LRSAM1: variants seen among roughly 807,000 people sequenced by gnomAD.
LRSAM1 encodes the protein E3 ubiquitin-protein ligase LRSAM1.
Under a neutral mutation model 118.1 loss-of-function variants are expected in LRSAM1, and 96 were observed. That is an observed-to-expected ratio of 0.81 (90% CI 0.69 to 0.96). The LOEUF is 0.96. Ranked by LOEUF, LRSAM1 falls within the 40% of genes least tolerant of loss-of-function variation. The pLI, the probability that LRSAM1 is intolerant of heterozygous loss-of-function variation, is 0.00. For synonymous variants in LRSAM1, 322 were observed against 364.2 expected, an observed-to-expected ratio of 0.88 and a Z score of 1.32; for missense variants, 804 against 915.5, an observed-to-expected ratio of 0.88 and a Z score of 1.57.
At chr9:127,484,742 G>T (rs1588125690) in intron 16 of LRSAM1, among the ~76,000 whole-genome samples, 1 of 151,172 alleles carries the variant, frequency 6.6e-6, no homozygotes, top group Non-Finnish European at 1.5e-5. Context: ...TGCTACAAAT[G>T]TGTGTGTACA....
At chr9:127,475,080 T>C (rs1835305683) in intron 11 of LRSAM1, among the ~76,000 whole-genome samples, 1 of 141,146 alleles carries the variant, frequency 7.1e-6, no homozygotes, top group African/African-American at 2.6e-5. Flanking sequence ...TATTTTATAG[T>C]TCAGCAAGAA....
intron 17 of LRSAM1, 52 bp from the exon 18 acceptor site, chr9:127,487,624 A>C: frequency 6.5e-7 from 1 of 1,543,112 alleles, no homozygotes; most frequent in Middle Eastern, 1.7e-4. Flanking sequence ...GGCACATAGT[A>C]GGTGCTCGGG....
At position 127,455,070 on chromosome 9, in the gene LRSAM1, T is replaced by C. The variant is rs1421898289; in HGVS notation, c.129+16T>C. The C allele has an allele frequency of 6.2e-7, 1 of 1,613,286 alleles. No individual in the cohort carries two copies. The highest frequency in any genetic ancestry group is 8.5e-7 in the Non-Finnish European group (1 of 1,179,230). On this transcript the variant is annotated intron_variant, in intron 4 of 25. Transcript: ENST00000300417. ...GCTCTCAGAGGTAAACTGAGGATAG[T>C]GTTGGGCTGTGAATTGGATCTGTCC...
intron 11 of LRSAM1, among the ~76,000 whole-genome samples, chr9:127,475,634 C>T (rs1258621051): frequency 1.3e-5 from 2 of 152,154 alleles, no homozygotes; most frequent in Non-Finnish European, 2.9e-5. Context: ...TTTCTGTTGG[C>T]CAGAGTATGG....
chr9:127,482,602 T>C (rs1835581709), intron 15 of LRSAM1, among the ~76,000 whole-genome samples: 1 of 152,272 alleles, frequency 6.6e-6, no homozygotes, highest in Non-Finnish European at 1.5e-5. Context: ...GTTTTCTTAC[T>C]GTCAACCAAC....
At chr9:127,485,619 C>A in intron 16 of LRSAM1, 117 bp from the exon 17 acceptor site, 1 of 888,638 alleles carries the variant, frequency 1.1e-6, no homozygotes, top group South Asian at 1.3e-5. Flanking sequence ...AGGTAGGTAA[C>A]CAGGTGAGGC....
At chr9:127,468,800 C>T (rs575841254) in intron 10 of LRSAM1, among the ~76,000 whole-genome samples, 1 of 129,492 alleles carries the variant, frequency 7.7e-6, no homozygotes, top group South Asian at 2.6e-4. Flanking sequence ...ATGGTGAAAC[C>T]CTGTCTCTAC....
At chr9:127,453,000 G>A (rs2244468) in intron 2 of LRSAM1, among the ~76,000 whole-genome samples, 92,147 of 152,156 alleles carry the variant, frequency 0.61, 28,238 homozygotes, top group African/African-American at 0.63. Context: ...GGACTTGAGA[G>A]ACCACGGTTC....
intron 7 of LRSAM1, among the ~76,000 whole-genome samples, chr9:127,460,847 CTTTTTTTTTTTT>C (rs58140930): frequency 5.2e-5 from 4 of 77,416 alleles, no homozygotes; most frequent in East Asian, 8.1e-4. Flanking sequence ...CTGTTTCTTT[CTTTTTTTTTTTT>C]TTTTTTTTTT....
chr9:127,469,671 A>G (rs575832535), intron 10 of LRSAM1, among the ~76,000 whole-genome samples: 13 of 151,804 alleles, frequency 8.6e-5, no homozygotes, highest in Admixed American at 6.6e-4. Context: ...GAAATAAAAA[A>G]ACAAAAAATA....
chr9:127,479,294 G>A, intron 12 of LRSAM1, 89 bp from the exon 13 acceptor site: 1 of 1,590,576 alleles, frequency 6.3e-7, no homozygotes, highest in Non-Finnish European at 8.6e-7. Context: ...AGCCTGCCCT[G>A]TCAGTGTTGA....
chr9:127,477,646 A>G (rs2042768005), intron 11 of LRSAM1, among the ~76,000 whole-genome samples: 1 of 152,168 alleles, frequency 6.6e-6, no homozygotes, highest in Non-Finnish European at 1.5e-5. Flanking sequence ...GCAACTTAGG[A>G]GGCTGAGGTG....
rs776157689 is a variant in LRSAM1 at position 127,479,903 on chromosome 9, G to A, written c.968G>A (p.Arg323Gln). The change falls in exon 14 of 26, where the codon CGG becomes CAG. Residue 323 changes from arginine to glutamine, a missense_variant. Transcript: ENST00000300417. Reference protein sequence around the residue: ...HQRHLNAERQRLQEQLKQTEQ... With the variant: ...HQRHLNAERQQLQEQLKQTEQ... ...CGCCACCTCAACGCAGAGCGGCAGCGGCTGCAGGAGCAGCTGAAGCAGACG... is the reference window on the plus strand; with the variant it reads ...CGCCACCTCAACGCAGAGCGGCAGCAGCTGCAGGAGCAGCTGAAGCAGACG... The A allele has an allele frequency of 1.5e-5, 25 of 1,613,694 alleles. No homozygotes were observed. Among genetic ancestry groups the A allele is most frequent in the African/African-American group, 4.0e-5 (3 of 74,934 alleles).
At chr9:127,453,481 G>A (rs561076443) in intron 2 of LRSAM1, 1 of 152,300 alleles carries the variant, frequency 6.6e-6, no homozygotes, top group Non-Finnish European at 1.5e-5. Flanking sequence ...CACCGCAGAG[G>A]TCTCTTTGGT....
In LRSAM1 at chr9:127,461,209, C is replaced by T; in HGVS notation, c.358C>T (p.Pro120Ser). Residue 120 changes from proline (P) to serine (S), a missense_variant, in exon 8 of 26, where the codon CCA becomes TCA. Pro to Ser is a moderately conservative substitution (Grantham distance 74, BLOSUM62 -1). Coordinates refer to ENST00000300417, the MANE Select transcript of LRSAM1 (RefSeq NM_001005373.4). Reference sequence around the variant, plus strand: ...GGAAAGGAATCAACTGATGCAGCTCCCACGTTCCATTGGGAACCTGACCCA... The same window carrying T: ...GGAAAGGAATCAACTGATGCAGCTCTCACGTTCCATTGGGAACCTGACCCA... ...NVERNQLMQL[P>S]RSIGNLTQLQ... is the part of the protein sequence containing the mutation. The T allele has an allele frequency of 6.2e-7, 1 of 1,612,338 alleles. No individual in the cohort carries two copies. Among genetic ancestry groups the T allele is most frequent in the Non-Finnish European group, 8.5e-7 (1 of 1,178,788 alleles).
chr9:127,479,350 G>A (rs570258908), intron 12 of LRSAM1, 33 bp from the exon 13 acceptor site: 2 of 1,614,006 alleles, frequency 1.2e-6, no homozygotes, highest in Non-Finnish European at 8.5e-7. Context: ...CCCAGGGCCT[G>A]TGCTGACAGT....
At chr9:127,500,297 G>T (rs1034381349) in intron 24 of LRSAM1, among the ~76,000 whole-genome samples, 2 of 139,796 alleles carry the variant, frequency 1.4e-5, no homozygotes, top group Non-Finnish European at 3.0e-5. Context: ...GGAGGCAGAG[G>T]TTGCAGTGAG....
At chr9:127,502,685 T>TC (rs1836437802) in intron 25 of LRSAM1, 89 bp from the exon 26 acceptor site, 1 of 1,052,614 alleles carries the variant, frequency 9.5e-7, no homozygotes, top group Non-Finnish European at 1.3e-6. Context: ...AGACTCTGTC[T>TC]CAAAAAAAAA....
At position 127,478,947 on chromosome 9, in the gene LRSAM1, A is replaced by T; in HGVS notation, c.764A>T (p.Asp255Val). The T allele has an allele frequency of 6.2e-7, 1 of 1,614,114 alleles. No individual in the cohort carries two copies. The highest frequency in any genetic ancestry group is 1.1e-5 in the South Asian group (1 of 91,088). Residue 255 changes from aspartate (D) to valine (V), a missense_variant, in exon 12 of 26, where the codon GAC becomes GTC. Coordinates refer to ENST00000300417, the MANE Select transcript of LRSAM1 (RefSeq NM_001005373.4). ...EELEWQNRFS[D>V]YEKRKEQKML... ...TTTTCCTCCCAGAACAGGTTCTCAG[A>T]CTATGAGAAGAGGAAGGTAAGAAAA...
Sources: gnomAD v4.1 joint callset for allele counts (sites outside exome capture counted in the v4.1 genomes callset) on GRCh38, gnomAD v4.1.1 for gene constraint, MANE v1.5 for transcripts, NCBI Gene and HGNC (gene_info 2026-07-23, HGNC 2026-07-21) for gene names.